MYEF2: variants seen among roughly 807,000 people sequenced by gnomAD.
MYEF2 encodes the protein myelin gene expression factor 2.
MYEF2 carries 37 observed loss-of-function variants against 75.2 expected under a neutral mutation model. The ratio of observed to expected loss-of-function variants is 0.49; its 90% CI spans 0.38 to 0.65. MYEF2 has a LOEUF of 0.65. MYEF2 is among the 30% of genes least tolerant of loss of function. MYEF2 has a pLI of 0.00. For missense variants in MYEF2, 634 were observed against 771.4 expected, an observed-to-expected ratio of 0.82 and a Z score of 2.11; for synonymous variants, 195 against 241.6, an observed-to-expected ratio of 0.81 and a Z score of 1.79.
In MYEF2 at chr15:48,159,692, A is replaced by G; in HGVS notation, c.638T>C (p.Leu213Pro). ...SGLMNLPPSILNNPNIPPEVI... is the reference protein window; with the variant it reads ...SGLMNLPPSIPNNPNIPPEVI... ...TTCAGGAGGAATGTTTGGATTATTGAGTATGGAAGGTGGTAAATTCATCAA... is the reference window on the plus strand; with the variant it reads ...TTCAGGAGGAATGTTTGGATTATTGGGTATGGAAGGTGGTAAATTCATCAA... Residue 213 changes from leucine to proline, a missense_variant, in exon 6 of 17, where the codon CTC becomes CCC. Leu to Pro is a moderately conservative substitution (Grantham distance 98). Coordinates refer to ENST00000324324, the MANE Select transcript of MYEF2 (RefSeq NM_016132.5). 1 of 1,613,648 alleles carries G rather than the reference A, an allele frequency of 6.2e-7. No individual in the cohort carries two copies. Among genetic ancestry groups the G allele is most frequent in the Non-Finnish European group, 8.5e-7 (1 of 1,179,734 alleles).
intron 5 of MYEF2, among the ~76,000 whole-genome samples, chr15:48,164,692 A>G (rs568564160): frequency 5.3e-5 from 8 of 152,268 alleles, no homozygotes; most frequent in African/African-American, 1.7e-4. Flanking sequence ...CAGCCACCCC[A>G]AACTTTAGTA....
Position 48,134,781 on chromosome 15 carries a change from A to C in MYEF2, c.*8127T>G. On this transcript the variant is annotated 3_prime_UTR_variant, in exon 17 of 17. Transcript: ENST00000324324. ...TTTCTCTAAGCAATATGCAAAAGAT[A>C]ACAATATTTAACTACAAATATATAA... 1 of 942,504 alleles carries C rather than the reference A, an allele frequency of 1.1e-6. No individual in the cohort carries two copies. Among genetic ancestry groups the C allele is most frequent in the South Asian group, 1.7e-5 (1 of 57,970 alleles). 58.4% of individuals were successfully genotyped at this position (942,504 alleles called of 1,614,324 possible).
chr15:48,162,425 T>C (rs532219855), intron 5 of MYEF2, among the ~76,000 whole-genome samples: 4 of 152,310 alleles, frequency 2.6e-5, no homozygotes, highest in Admixed American at 1.3e-4. Context: ...TTAGTAATTA[T>C]GAAAACAAAG....
intron 10 of MYEF2, 145 bp from the exon 11 acceptor site, chr15:48,152,429 T>C: frequency 1.5e-6 from 1 of 652,454 alleles, no homozygotes; most frequent in Non-Finnish European, 2.7e-6. Flanking sequence ...AGGCATGGTT[T>C]AAAGTGCTAT....
At position 48,159,689 on chromosome 15, in the gene MYEF2, T is replaced by C. The variant is rs750787794; in HGVS notation, c.641A>G (p.Asn214Ser). The C allele has an allele frequency of 4.2e-5, 67 of 1,613,614 alleles. No individual in the cohort carries two copies. The highest frequency in any genetic ancestry group is 4.7e-5 in the Non-Finnish European group (55 of 1,179,778). Residue 214 changes from asparagine to serine, a missense_variant, in exon 6 of 17, where the codon AAT becomes AGT. Physicochemically the swap from Asn to Ser is conservative, Grantham distance 46 (BLOSUM62 1). Coordinates refer to ENST00000324324, the MANE Select transcript of MYEF2 (RefSeq NM_016132.5). ...GLMNLPPSIL[N>S]NPNIPPEVIS... ...GACTTCAGGAGGAATGTTTGGATTA[T>C]TGAGTATGGAAGGTGGTAAATTCAT...
intron 14 of MYEF2, among the ~76,000 whole-genome samples, chr15:48,150,610 C>T (rs1288193557): frequency 6.6e-6 from 1 of 151,968 alleles, no homozygotes; most frequent in Non-Finnish European, 1.5e-5. Flanking sequence ...GATGCTATTA[C>T]GGGAAAGGTT....
At chr15:48,150,076 G>T (rs1731949378) in intron 14 of MYEF2, 1 of 152,026 alleles carries the variant, frequency 6.6e-6, no homozygotes, top group Non-Finnish European at 1.5e-5. Context: ...CTTATGCACT[G>T]ACTCGATTTC....
intron 2 of MYEF2, among the ~76,000 whole-genome samples, chr15:48,168,334 C>A (rs772428033): frequency 6.6e-6 from 1 of 151,850 alleles, no homozygotes; most frequent in Non-Finnish European, 1.5e-5. Context: ...TGCAATAGCC[C>A]TTTTAAAATC....
In MYEF2 at chr15:48,142,848, T is replaced by C. The variant is rs1192970097; in HGVS notation, c.*60A>G. The C allele has an allele frequency of 6.8e-7, 1 of 1,468,802 alleles. No homozygotes were observed. The highest frequency in any genetic ancestry group is 9.1e-7 in the Non-Finnish European group (1 of 1,096,024). The allele number at this position is 1,468,802 out of a possible 1,614,324, so 91.0% of individuals were successfully genotyped here. ...AGCATACAATATTACTTTAAAAAAA[T>C]GACTTTTACTAGGAGATTCAGCAAA... On this transcript the variant is annotated 3_prime_UTR_variant, in exon 17 of 17. Transcript: ENST00000324324.
intron 1 of MYEF2, among the ~76,000 whole-genome samples, chr15:48,170,905 G>GA (rs1258845307): frequency 6.6e-6 from 1 of 152,176 alleles, no homozygotes; most frequent in Non-Finnish European, 1.5e-5. Flanking sequence ...GATGTTGCCA[G>GA]AAAAACTGCT....
In MYEF2 at chr15:48,134,878, T is replaced by C; in HGVS notation, c.*8030A>G. ...GTAATGGAAATAATAACTTACCATA[T>C]TACAGGTCTCAACACTATCATGTTG... On this transcript the variant is annotated 3_prime_UTR_variant, in exon 17 of 17. Transcript: ENST00000324324. 6.3e-7 allele frequency: 1 copy of C among 1,597,586 alleles called. No homozygotes were observed. Among genetic ancestry groups the C allele is most frequent in the Non-Finnish European group, 8.6e-7 (1 of 1,168,444 alleles).
intron 5 of MYEF2, among the ~76,000 whole-genome samples, chr15:48,164,556 T>C (rs937861289): frequency 1.3e-5 from 2 of 152,170 alleles, no homozygotes; most frequent in African/African-American, 4.8e-5. Context: ...GACTTCAATT[T>C]TGAAGGAAGT....
chr15:48,158,195 T>C lies in MYEF2; in HGVS notation c.901A>G (p.Arg301Gly), dbSNP rs1242396850. 3 of 1,613,102 alleles carry C rather than the reference T, an allele frequency of 1.9e-6. No homozygotes were observed. Among genetic ancestry groups the C allele is most frequent in the Non-Finnish European group, 2.5e-6 (3 of 1,179,378 alleles). The change falls in exon 8 of 17, where the codon AGA (arginine) becomes GGA (glycine). Residue 301 changes from arginine (R) to glycine (G), a missense_variant. By Grantham distance (125) the Arg-to-Gly change is moderately radical. Transcript: ENST00000324324. ...CTCACCATTTTCACATGCATAGGTC[T>C]ATCAAATAAAAACTGCCCATTGAAC... Reference protein sequence around the residue: ...SMFNGQFLFDRPMHVKMDDKS... With the variant: ...SMFNGQFLFDGPMHVKMDDKS...
At chr15:48,153,966 A>C in intron 9 of MYEF2, 73 bp from the exon 10 acceptor site, 1 of 1,235,722 alleles carries the variant, frequency 8.1e-7, no homozygotes. Flanking sequence ...AATTTTTTAA[A>C]AAGCTATATA....
At chr15:48,160,438 T>A (rs1191144015) in intron 5 of MYEF2, among the ~76,000 whole-genome samples, 1 of 150,902 alleles carries the variant, frequency 6.6e-6, no homozygotes, top group Non-Finnish European at 1.5e-5. Flanking sequence ...TTTGTTAGGT[T>A]CATTAATTTT....
rs915737005 is a variant in MYEF2 at position 48,144,579 on chromosome 15, T to A, written c.1640-1508A>T. Among the ~76,000 whole-genome samples, 12 of 151,968 alleles carry A rather than the reference T, an allele frequency of 7.9e-5. No individual in the cohort carries two copies. In the East Asian group the frequency reaches 2.3e-3, roughly 29 times the overall value. On this transcript the variant is annotated intron_variant, in intron 16 of 16. Transcript: ENST00000324324. ...GGTTAAAGTAGATCCAAATAATATT[T>A]AGCCCACAACTGGAATGAAATGGGG...
chr15:48,168,089 A>G (rs2040192893), intron 2 of MYEF2, among the ~76,000 whole-genome samples: 1 of 152,122 alleles, frequency 6.6e-6, no homozygotes, highest in Non-Finnish European at 1.5e-5. Context: ...CCAACCATGT[A>G]TATAAGATGA....
intron 1 of MYEF2, among the ~76,000 whole-genome samples, chr15:48,177,494 C>T (rs568595711): frequency 6.6e-6 from 1 of 152,272 alleles, no homozygotes; most frequent in South Asian, 2.1e-4. Flanking sequence ...CTAGCCAATT[C>T]AAGAGTAACA....
intron 14 of MYEF2, 85 bp downstream of exon 14, chr15:48,151,015 T>C: frequency 1.2e-6 from 1 of 853,092 alleles, no homozygotes; most frequent in Non-Finnish European, 1.8e-6. Context: ...GAACAAAGTA[T>C]TACTATACTA....
Sources: gnomAD v4.1 joint callset for allele counts (sites outside exome capture counted in the v4.1 genomes callset) on GRCh38, gnomAD v4.1.1 for gene constraint, MANE v1.5 for transcripts, NCBI Gene and HGNC (gene_info 2026-07-23, HGNC 2026-07-21) for gene names.